The following SHROOM3 variants were observed in gnomAD, a reference collection of about 807,000 sequenced individuals.
SHROOM3 encodes the protein shroom family member 3, also known as protein Shroom3.
A neutral mutation model predicts 138.6 loss-of-function variants in SHROOM3; 47 were observed. The ratio of observed to expected loss-of-function variants is 0.34; its 90% CI spans 0.27 to 0.43. The LOEUF is 0.43. Among genes scored for constraint, SHROOM3 ranks in the 20% least tolerant of loss-of-function variants. SHROOM3 has a pLI of 1.00. For missense variants in SHROOM3, 2,491 were observed against 2,596.5 expected (o/e 0.96, Z 0.88); for synonymous variants, 1,062 against 1,063.3 (o/e 1.00, Z 0.02).
intron 2 of SHROOM3, among the ~76,000 whole-genome samples, chr4:76,699,005 C>T (rs1053605459): frequency 1.3e-5 from 2 of 152,192 alleles, no homozygotes; most frequent in African/African-American, 4.8e-5. Flanking sequence ...TCCTGTCACC[C>T]TCCCCATGGT....
chr4:76,731,570 C>A (rs1029166417), intron 4 of SHROOM3, among the ~76,000 whole-genome samples: 1 of 152,136 alleles, frequency 6.6e-6, no homozygotes, highest in Non-Finnish European at 1.5e-5. Flanking sequence ...CACCTGAGGT[C>A]AGGAGTTCAA....
At chr4:76,551,702 G>A (rs1380146402) in intron 1 of SHROOM3, among the ~76,000 whole-genome samples, 1 of 152,010 alleles carries the variant, frequency 6.6e-6, no homozygotes, top group Non-Finnish European at 1.5e-5. Flanking sequence ...ACTGTGAGTG[G>A]GGAACAGACA....
At chr4:76,562,716 A>C (rs942191648) in intron 2 of SHROOM3, among the ~76,000 whole-genome samples, 1 of 152,180 alleles carries the variant, frequency 6.6e-6, no homozygotes, top group Non-Finnish European at 1.5e-5. Flanking sequence ...TATTTCCTGA[A>C]AAAGCATCTA....
chr4:76,493,395 T>C (rs1407778946), intron 1 of SHROOM3, among the ~76,000 whole-genome samples: 1 of 152,180 alleles, frequency 6.6e-6, no homozygotes, highest in African/African-American at 2.4e-5. Context: ...TGTATTTGTA[T>C]TGGCTAACTC....
At chr4:76,759,471 GGACT>G in intron 8 of SHROOM3, 70 bp from the exon 9 acceptor site, 1 of 1,573,486 alleles carries the variant, frequency 6.4e-7, no homozygotes, top group Middle Eastern at 2.1e-4. Context: ...ACTTCTGAAT[GGACT>G]GACATCTGCA....
rs78677646 is a variant in SHROOM3 at position 76,644,694 on chromosome 4, T to C, written c.324-65462T>C. Among the ~76,000 whole-genome samples, 1,129 of 152,278 alleles carry C rather than the reference T, an allele frequency of 7.4e-3. 9 individuals are homozygous for C. Among genetic ancestry groups the C allele is most frequent in the African/African-American group, 0.023 (936 of 41,564 alleles). On this transcript the variant is annotated intron_variant, in intron 2 of 10. Transcript: ENST00000296043. ...CAAATCAGGGTAATTAGCAAGGATA[T>C]ACACTTTTATATTATTTCCTTTAAA...
intron 1 of SHROOM3, among the ~76,000 whole-genome samples, chr4:76,447,331 C>A (rs1005608980): frequency 2.6e-5 from 4 of 152,172 alleles, no homozygotes; most frequent in Admixed American, 2.0e-4. Flanking sequence ...ACTCTAGAAT[C>A]AATTGCCTTT....
chr4:76,715,357 T>C (rs1430571727), intron 3 of SHROOM3, among the ~76,000 whole-genome samples: 1 of 152,182 alleles, frequency 6.6e-6, no homozygotes, highest in East Asian at 1.9e-4. Flanking sequence ...GGCTTAATAT[T>C]CTCACAGATC....
intron 2 of SHROOM3, among the ~76,000 whole-genome samples, chr4:76,574,602 T>C (rs2110039998): frequency 6.6e-6 from 1 of 152,216 alleles, no homozygotes. Context: ...CTACATAAAC[T>C]CAAATCATTT....
intron 1 of SHROOM3, among the ~76,000 whole-genome samples, chr4:76,477,826 T>G (rs28490074): frequency 0.012 from 1,872 of 151,992 alleles, 44 homozygotes; most frequent in African/African-American, 0.043. Context: ...CCATGGAGGG[T>G]GAGCAGAAGC....
intron 1 of SHROOM3, among the ~76,000 whole-genome samples, chr4:76,464,336 C>G (rs950323367): frequency 2.2e-4 from 34 of 152,154 alleles, no homozygotes; most frequent in African/African-American, 8.2e-4. Context: ...TTTGTTTTGG[C>G]CAATTTCTCC....
chr4:76,605,279 C>G (rs1353317494), intron 2 of SHROOM3, among the ~76,000 whole-genome samples: 5 of 152,090 alleles, frequency 3.3e-5, no homozygotes, highest in Non-Finnish European at 7.4e-5. Flanking sequence ...GAGAAATCAA[C>G]AGCTAGGATT....
intron 1 of SHROOM3, among the ~76,000 whole-genome samples, chr4:76,537,879 A>C (rs530879798): frequency 1.3e-5 from 2 of 152,238 alleles, no homozygotes; most frequent in East Asian, 3.9e-4. Flanking sequence ...AACTCTGTGA[A>C]TATACTAAAA....
At chr4:76,485,209 C>G (rs1731704146) in intron 1 of SHROOM3, among the ~76,000 whole-genome samples, 1 of 152,138 alleles carries the variant, frequency 6.6e-6, no homozygotes, top group Non-Finnish European at 1.5e-5. Flanking sequence ...TACTTGCTGT[C>G]TGCAAATAAC....
intron 1 of SHROOM3, among the ~76,000 whole-genome samples, chr4:76,468,214 A>G (rs1302376826): frequency 6.6e-6 from 1 of 152,230 alleles, no homozygotes; most frequent in East Asian, 1.9e-4. Flanking sequence ...CATTCTACAT[A>G]TAGGGGACAT....
chr4:76,470,801 C>T (rs1188902765), intron 1 of SHROOM3, among the ~76,000 whole-genome samples: 2 of 152,154 alleles, frequency 1.3e-5, no homozygotes, highest in Non-Finnish European at 2.9e-5. Flanking sequence ...AGTATTACCA[C>T]CAAGCCAACC....
intron 1 of SHROOM3, among the ~76,000 whole-genome samples, chr4:76,524,813 T>C (rs1474364389): frequency 6.6e-6 from 1 of 152,168 alleles, no homozygotes; most frequent in Non-Finnish European, 1.5e-5. Context: ...AACTGTTAAC[T>C]ATCCAGGGGT....
intron 2 of SHROOM3, chr4:76,639,552 C>G: frequency 2.5e-6 from 1 of 398,664 alleles, no homozygotes; most frequent in Non-Finnish European, 4.4e-6. Context: ...CATTGCTGGC[C>G]TGTTGTGGAT....
chr4:76,441,921 T>C (rs995233331), intron 1 of SHROOM3, among the ~76,000 whole-genome samples: 18 of 152,130 alleles, frequency 1.2e-4, no homozygotes, highest in Admixed American at 7.2e-4. Context: ...GGGGTTTCTC[T>C]ATGTTGGTGA....
Sources: gnomAD v4.1 joint callset for allele counts (sites outside exome capture counted in the v4.1 genomes callset) on GRCh38, gnomAD v4.1.1 for gene constraint, MANE v1.5 for transcripts, NCBI Gene and HGNC (gene_info 2026-07-23, HGNC 2026-07-21) for gene names.